Variants in ATP8A2 observed in about 807,000 individuals in gnomAD.
The protein encoded by ATP8A2 is phospholipid-transporting ATPase IB.
ATP8A2 carries 100 observed loss-of-function variants against 165.6 expected under a neutral mutation model. That is an observed-to-expected ratio of 0.60 (90% CI 0.51 to 0.71). The LOEUF (loss-of-function observed/expected upper bound fraction) is 0.71. Among genes scored for constraint, ATP8A2 ranks in the 30% least tolerant of loss-of-function variants. The probability of loss-of-function intolerance (pLI) is 0.00; values close to 1 mark genes in which losing one functional copy is unlikely to be tolerated. For synonymous variants in ATP8A2, 543 were observed against 548.8 expected, an observed-to-expected ratio of 0.99 and a Z score of 0.15; for missense variants, 1,227 against 1,479.5, an observed-to-expected ratio of 0.83 and a Z score of 2.80.
At position 26,019,961 on chromosome 13, in the gene ATP8A2, C is replaced by CA; in HGVS notation, c.3548dup (p.Lys1184GlufsTer12). 6.2e-7 allele frequency: 1 copy of CA among 1,613,048 alleles called. No homozygotes were observed. The highest frequency in any genetic ancestry group is 8.5e-7 in the Non-Finnish European group (1 of 1,179,076). On this transcript the variant is annotated frameshift_variant, in exon 37 of 37. Transcript: ENST00000381655. LOFTEE classifies it high-confidence loss of function. ...AAGTCATCCGTGCTTATGACACCAC[C>CA]AAAAAGAAATCCAGGAAGAAATAAG...
intron 24 of ATP8A2, among the ~76,000 whole-genome samples, chr13:25,646,969 C>G (rs1237994756): frequency 6.6e-6 from 1 of 152,154 alleles, no homozygotes; most frequent in Non-Finnish European, 1.5e-5. Flanking sequence ...CTATTTCAAG[C>G]TGATAAAAAC....
At chr13:25,893,225 G>A (rs80113897) in intron 33 of ATP8A2, among the ~76,000 whole-genome samples, 23 of 102,508 alleles carry the variant, frequency 2.2e-4, no homozygotes, top group African/African-American at 7.2e-4. Context: ...AACAGTCCCC[G>A]GAGTGTGATG....
intron 35 of ATP8A2, among the ~76,000 whole-genome samples, chr13:25,992,592 A>G (rs145899632): frequency 6.6e-6 from 1 of 152,092 alleles, no homozygotes; most frequent in Non-Finnish European, 1.5e-5. Context: ...TTTGTGAATT[A>G]TGCTTTTGGT....
At chr13:25,900,981 C>T (rs1044669442) in intron 33 of ATP8A2, among the ~76,000 whole-genome samples, 2 of 152,202 alleles carry the variant, frequency 1.3e-5, no homozygotes, top group Admixed American at 6.5e-5. Context: ...AAAGCCCATG[C>T]GTTGTCTAAG....
intron 33 of ATP8A2, among the ~76,000 whole-genome samples, chr13:25,864,368 G>A (rs1252684268): frequency 6.6e-6 from 1 of 152,256 alleles, no homozygotes; most frequent in Admixed American, 6.5e-5. Flanking sequence ...CCAAATGTGC[G>A]TGAATTAGGC....
At chr13:25,484,548 G>A (rs1250604534) in intron 2 of ATP8A2, among the ~76,000 whole-genome samples, 1 of 151,554 alleles carries the variant, frequency 6.6e-6, no homozygotes, top group South Asian at 2.1e-4. Flanking sequence ...ACAGAGTCTC[G>A]CTGTTGCCCA....
chr13:25,427,039 G>A (rs577408112), intron 1 of ATP8A2, among the ~76,000 whole-genome samples: 34 of 152,304 alleles, frequency 2.2e-4, no homozygotes, highest in African/African-American at 7.9e-4. Flanking sequence ...AATAAAGGGG[G>A]AAAGCCAGAG....
intron 24 of ATP8A2, among the ~76,000 whole-genome samples, chr13:25,616,352 A>T: frequency 9.3e-6 from 1 of 107,300 alleles, no homozygotes; most frequent in African/African-American, 3.9e-5. Context: ...TTTTTTTGAG[A>T]CAGAGTGTTG....
intron 27 of ATP8A2, among the ~76,000 whole-genome samples, chr13:25,793,836 G>A (rs1043684744): frequency 1.3e-5 from 2 of 152,102 alleles, no homozygotes; most frequent in Non-Finnish European, 2.9e-5. Flanking sequence ...GTGTACTCAG[G>A]TGACCACATT....
intron 24 of ATP8A2, among the ~76,000 whole-genome samples, chr13:25,644,736 T>C (rs1023613517): frequency 5.9e-5 from 9 of 152,182 alleles, no homozygotes; most frequent in Admixed American, 5.2e-4. Context: ...CCTCACTTGT[T>C]AGTGGTCTAT....
intron 33 of ATP8A2, among the ~76,000 whole-genome samples, chr13:25,907,171 G>T (rs1027543926): frequency 6.6e-6 from 1 of 152,082 alleles, no homozygotes; most frequent in Non-Finnish European, 1.5e-5. Context: ...CAGAGGCTGC[G>T]GTGAGTAACC....
chr13:25,803,433 G>T (rs1316224271), intron 27 of ATP8A2, among the ~76,000 whole-genome samples: 2 of 150,950 alleles, frequency 1.3e-5, no homozygotes, highest in African/African-American at 2.5e-5. Context: ...GAGGTTCATG[G>T]AGTCAATTTA....
chr13:25,590,190 G>A (rs982368860), intron 24 of ATP8A2, among the ~76,000 whole-genome samples: 8 of 152,090 alleles, frequency 5.3e-5, no homozygotes, highest in Non-Finnish European at 1.2e-4. Context: ...TTTGGGAGGC[G>A]GAGGCAGAAG....
intron 35 of ATP8A2, among the ~76,000 whole-genome samples, chr13:25,979,144 C>T (rs1205501786): frequency 6.6e-6 from 1 of 151,850 alleles, no homozygotes; most frequent in African/African-American, 2.4e-5. Flanking sequence ...GAAAGCCAGT[C>T]AAGGTCCAGT....
In ATP8A2 at chr13:25,944,497, C is replaced by CAA. The variant is rs34815639; in HGVS notation, c.3184-17070_3184-17069dup. 333 of 149,124 alleles carry CAA rather than the reference C, an allele frequency of 2.2e-3. 1 individual carries two copies. Among genetic ancestry groups the CAA allele is most frequent in the Admixed American group, 6.6e-3 (100 of 15,078 alleles). 9.2% of individuals were successfully genotyped at this position (149,124 alleles called of 1,614,324 possible). On this transcript the variant is annotated intron_variant, in intron 33 of 36. Transcript: ENST00000381655. ...ACTCCAGCCTGGGCAACATTCGTCTCAAAAAAAAAGAAAAGAATACAGGCC... is the reference window on the plus strand; with the variant it reads ...ACTCCAGCCTGGGCAACATTCGTCTCAAAAAAAAAAAGAAAAGAATACAGGCC...
At chr13:26,000,057 G>A (rs1299077928) in intron 35 of ATP8A2, among the ~76,000 whole-genome samples, 3 of 152,188 alleles carry the variant, frequency 2.0e-5, no homozygotes, top group African/African-American at 7.2e-5. Context: ...ATGATAATGA[G>A]TAAAATAAGT....
chr13:25,878,423 G>A (rs1309163081), intron 33 of ATP8A2, among the ~76,000 whole-genome samples: 1 of 124,962 alleles, frequency 8.0e-6, no homozygotes, highest in Non-Finnish European at 1.7e-5. Flanking sequence ...ATAGAGTAAA[G>A]TGAAAGCAAG....
intron 24 of ATP8A2, among the ~76,000 whole-genome samples, chr13:25,680,512 G>A (rs575429420): frequency 6.6e-6 from 1 of 152,304 alleles, no homozygotes; most frequent in South Asian, 2.1e-4. Context: ...TGTGGTACTT[G>A]GTTGTTGCAG....
chr13:25,884,832 C>T (rs1389846709), intron 33 of ATP8A2, among the ~76,000 whole-genome samples: 1 of 152,220 alleles, frequency 6.6e-6, no homozygotes, highest in East Asian at 1.9e-4. Flanking sequence ...TGCCCTCCTC[C>T]CACGAGCCAT....
Sources: gnomAD v4.1 joint callset for allele counts (sites outside exome capture counted in the v4.1 genomes callset) on GRCh38, gnomAD v4.1.1 for gene constraint, MANE v1.5 for transcripts, NCBI Gene and HGNC (gene_info 2026-07-23, HGNC 2026-07-21) for gene names.